NRXN1: variants seen among roughly 807,000 people sequenced by gnomAD.
NRXN1 encodes the protein neurexin 1.
In NRXN1, 39 loss-of-function variants were observed where a neutral mutation model predicts 150.9. That is an observed-to-expected ratio of 0.26 (90% CI 0.20 to 0.34). The LOEUF is 0.34. Among genes scored for constraint, NRXN1 ranks in the 10% least tolerant of loss-of-function variants. The probability of loss-of-function intolerance (pLI) is 1.00; values close to 1 mark genes in which losing one functional copy is unlikely to be tolerated. For synonymous variants in NRXN1, 924 were observed against 757.0 expected (o/e 1.22, Z -3.62); for missense variants, 1,815 against 1,949.9 (o/e 0.93, Z 1.30).
chr2:50,261,127 T>C (rs2068226800), intron 17 of NRXN1, among the ~76,000 whole-genome samples: 1 of 151,804 alleles, frequency 6.6e-6, no homozygotes, highest in Admixed American at 6.6e-5. Context: ...CTCTTTCTTC[T>C]AAATTGCAAA....
At chr2:50,474,207 C>G (rs1029878176) in intron 15 of NRXN1, among the ~76,000 whole-genome samples, 3 of 151,652 alleles carry the variant, frequency 2.0e-5, no homozygotes, top group Admixed American at 6.6e-5. Context: ...AAATTTCAGG[C>G]CATTGTGTTT....
chr2:50,067,546 G>A (rs1277230916), intron 19 of NRXN1, among the ~76,000 whole-genome samples: 1 of 152,160 alleles, frequency 6.6e-6, no homozygotes, highest in African/African-American at 2.4e-5. Context: ...AAAAGCAGCA[G>A]GGACAAGCAG....
intron 8 of NRXN1, among the ~76,000 whole-genome samples, chr2:50,610,642 CATATATATATATAT>C (rs71404969): frequency 0.087 from 3,729 of 42,878 alleles, 392 homozygotes; most frequent in East Asian, 0.36. Context: ...TAAATAGATA[CATATATATATATAT>C]ATATATATAT....
At chr2:50,713,295 CAG>C (rs1695427782) in intron 5 of NRXN1, among the ~76,000 whole-genome samples, 1 of 146,226 alleles carries the variant, frequency 6.8e-6, no homozygotes, top group Non-Finnish European at 1.5e-5. Flanking sequence ...GCCTGAGTGA[CAG>C]AGTGAGACTC....
chr2:50,781,621 G>C lies in NRXN1; in HGVS notation c.832+140248C>G, dbSNP rs868858067. Among the ~76,000 whole-genome samples, 11 of 152,318 alleles carry C rather than the reference G, an allele frequency of 7.2e-5. 1 individual carries two copies. The Middle Eastern group carries it at 0.01, about 141-fold the overall frequency. On this transcript the variant is annotated intron_variant, in intron 5 of 22. Transcript: ENST00000401669. Reference sequence around the variant, plus strand: ...TAAAAACGTAGCTTCTGGTCAAGCTGATTTCTAAAAACCAGACTTTCTAAA... The same window carrying C: ...TAAAAACGTAGCTTCTGGTCAAGCTCATTTCTAAAAACCAGACTTTCTAAA...
intron 5 of NRXN1, among the ~76,000 whole-genome samples, chr2:50,866,991 T>A (rs1210336227): frequency 6.6e-6 from 1 of 151,898 alleles, no homozygotes; most frequent in Non-Finnish European, 1.5e-5. Context: ...CCAATACTCT[T>A]TTAATAATAA....
intron 5 of NRXN1, among the ~76,000 whole-genome samples, chr2:50,688,837 A>C (rs75679316): frequency 0.017 from 2,589 of 152,250 alleles, 93 homozygotes; most frequent in African/African-American, 0.06. Flanking sequence ...GGCCACCAGA[A>C]AGTGCCATGG....
At chr2:50,718,382 G>A (rs1309766785) in intron 5 of NRXN1, among the ~76,000 whole-genome samples, 2 of 152,124 alleles carry the variant, frequency 1.3e-5, no homozygotes, top group African/African-American at 4.8e-5. Flanking sequence ...GCTGGGAAGG[G>A]AAGGCATGTT....
chr2:49,936,404 C>T (rs909389256), intron 22 of NRXN1, among the ~76,000 whole-genome samples: 4 of 152,146 alleles, frequency 2.6e-5, no homozygotes, highest in Non-Finnish European at 4.4e-5. Context: ...GGGTCCTCCA[C>T]CTGTCATTGG....
At chr2:50,951,335 G>T (rs1430680339) in intron 2 of NRXN1, among the ~76,000 whole-genome samples, 1 of 152,098 alleles carries the variant, frequency 6.6e-6, no homozygotes, top group Non-Finnish European at 1.5e-5. Context: ...GGTAGGGGTT[G>T]GGGTACTAAA....
chr2:50,359,246 C>A (rs550697893), intron 17 of NRXN1, among the ~76,000 whole-genome samples: 3 of 151,768 alleles, frequency 2.0e-5, no homozygotes, highest in Non-Finnish European at 4.4e-5. Flanking sequence ...CAAAACTGGA[C>A]GGCGAATGAG....
chr2:50,791,018 G>T (rs1705867500), intron 5 of NRXN1, among the ~76,000 whole-genome samples: 1 of 150,698 alleles, frequency 6.6e-6, no homozygotes, highest in African/African-American at 2.4e-5. Flanking sequence ...TTCCTTTGTT[G>T]GTAATTTTTA....
chr2:51,014,945 T>C (rs1195551818), intron 2 of NRXN1, among the ~76,000 whole-genome samples: 1 of 152,058 alleles, frequency 6.6e-6, no homozygotes, highest in African/African-American at 2.4e-5. Context: ...AAATGACAGC[T>C]AGAGACAAAG....
chr2:50,055,751 T>C (rs1693499305), intron 19 of NRXN1, among the ~76,000 whole-genome samples: 1 of 152,178 alleles, frequency 6.6e-6, no homozygotes, highest in Non-Finnish European at 1.5e-5. Flanking sequence ...AAGCTTAACA[T>C]GTTGAAGCAA....
At chr2:49,942,870 A>C (rs78933206) in intron 22 of NRXN1, among the ~76,000 whole-genome samples, 2,905 of 152,282 alleles carry the variant, frequency 0.019, 68 homozygotes, top group East Asian at 0.11. Context: ...TCAGGTTCCC[A>C]AAGTGCTGGA....
chr2:50,964,335 C>G (rs1693706922), intron 2 of NRXN1, among the ~76,000 whole-genome samples: 1 of 151,420 alleles, frequency 6.6e-6, no homozygotes, highest in African/African-American at 2.4e-5. Flanking sequence ...ACCACTAAAG[C>G]AATAATTTAG....
At chr2:50,075,630 T>G (rs1389324550) in intron 19 of NRXN1, among the ~76,000 whole-genome samples, 5 of 152,222 alleles carry the variant, frequency 3.3e-5, no homozygotes, top group African/African-American at 1.2e-4. Flanking sequence ...TAGGAGTAAC[T>G]ATCAATAGTG....
At chr2:50,384,908 T>C (rs1029059467) in intron 17 of NRXN1, among the ~76,000 whole-genome samples, 10 of 152,280 alleles carry the variant, frequency 6.6e-5, no homozygotes, top group African/African-American at 2.2e-4. Context: ...AACTTCTACA[T>C]TGCTGTCCCT....
chr2:49,935,809 A>T (rs1319318151), intron 22 of NRXN1, among the ~76,000 whole-genome samples: 2 of 152,328 alleles, frequency 1.3e-5, no homozygotes, highest in South Asian at 2.1e-4. Context: ...AAATTACAAG[A>T]CAACGTGACT....
Sources: gnomAD v4.1 joint callset for allele counts (sites outside exome capture counted in the v4.1 genomes callset) on GRCh38, gnomAD v4.1.1 for gene constraint, MANE v1.5 for transcripts, NCBI Gene and HGNC (gene_info 2026-07-23, HGNC 2026-07-21) for gene names.